Variants in SH3RF3 observed in about 807,000 individuals in gnomAD.
The protein encoded by SH3RF3 is E3 ubiquitin-protein ligase SH3RF3.
SH3RF3 carries 29 observed loss-of-function variants against 66.3 expected under a neutral mutation model. The observed-to-expected ratio is 0.44, with a 90% CI of 0.33 to 0.60. The LOEUF is 0.60. Among genes scored for constraint, SH3RF3 ranks in the 20% least tolerant of loss-of-function variants. The pLI is 0.04. For missense variants in SH3RF3, 1,194 were observed against 1,190.9 expected, an observed-to-expected ratio of 1.00 and a Z score of -0.04; for synonymous variants, 583 against 532.0, an observed-to-expected ratio of 1.10 and a Z score of -1.32.
rs576420414 is a variant in SH3RF3, at chr2:109,249,162, G to A, written c.574-98512G>A. On this transcript the variant is annotated intron_variant, in intron 1 of 9. Coordinates refer to ENST00000309415, the MANE Select transcript of SH3RF3 (RefSeq NM_001099289.3). Reference sequence around the variant, plus strand: ...TCTCAAAAAAGGATTGATTACAGGTGTGGGCCACCACACCTGGCCAAGAAC... The same window carrying A: ...TCTCAAAAAAGGATTGATTACAGGTATGGGCCACCACACCTGGCCAAGAAC... 9.9e-5 allele frequency among the ~76,000 whole-genome samples: 15 copies of A among 152,154 alleles called. No homozygotes were observed. The East Asian group carries it at 2.9e-3, about 29-fold the overall frequency.
At chr2:109,138,485 C>T (rs1676865111) in intron 1 of SH3RF3, among the ~76,000 whole-genome samples, 1 of 152,238 alleles carries the variant, frequency 6.6e-6, no homozygotes, top group Non-Finnish European at 1.5e-5. Flanking sequence ...TAGCTTGGTG[C>T]TGCATTTGCT....
chr2:109,199,843 G>C, intron 1 of SH3RF3, among the ~76,000 whole-genome samples: 2 of 52,080 alleles, frequency 3.8e-5, no homozygotes, highest in Non-Finnish European at 9.0e-5. Flanking sequence ...GGAATGGAAT[G>C]GAATGGAAAT....
At chr2:109,145,917 G>A (rs1317890615) in intron 1 of SH3RF3, among the ~76,000 whole-genome samples, 2 of 152,164 alleles carry the variant, frequency 1.3e-5, no homozygotes, top group African/African-American at 4.8e-5. Context: ...CCTGGAGCCC[G>A]AATGCCTGGG....
intron 1 of SH3RF3, among the ~76,000 whole-genome samples, chr2:109,289,715 CTT>C (rs2105363390): frequency 6.6e-6 from 1 of 152,246 alleles, no homozygotes; most frequent in Admixed American, 6.5e-5. Context: ...CATGATATGA[CTT>C]CAGGAACGCA....
chr2:109,138,270 G>A lies in SH3RF3; in HGVS notation c.573+8157G>A, dbSNP rs141135995. 9.6e-3 allele frequency among the ~76,000 whole-genome samples: 1,464 copies of A among 152,236 alleles called. 23 individuals are homozygous for A. The highest frequency in any genetic ancestry group is 0.032 in the African/African-American group (1,318 of 41,550). ...CCTCGAACTCCTGACCTCGTGATCC[G>A]CCCGCCTTGGCCTCCCAAAGTGCTG... On this transcript the variant is annotated intron_variant, in intron 1 of 9. Transcript: ENST00000309415.
chr2:109,478,546 A>G (rs191944377), intron 8 of SH3RF3, among the ~76,000 whole-genome samples: 8 of 152,236 alleles, frequency 5.3e-5, no homozygotes, highest in African/African-American at 1.9e-4. Context: ...TCCTTGCAGA[A>G]TTCTTCTCTA....
In SH3RF3 at chr2:109,293,055, A is replaced by C. The variant is rs575751002; in HGVS notation, c.574-54619A>C. ...ATTTGACATTTAAATGGCATCTGTCAGCTGCAGTTCAGGGAGGGTCCCTGC... is the reference window on the plus strand; with the variant it reads ...ATTTGACATTTAAATGGCATCTGTCCGCTGCAGTTCAGGGAGGGTCCCTGC... On this transcript the variant is annotated intron_variant, in intron 1 of 9. Coordinates refer to ENST00000309415, the MANE Select transcript of SH3RF3 (RefSeq NM_001099289.3). Among the ~76,000 whole-genome samples the C allele has an allele frequency of 3.3e-5, 5 of 152,318 alleles. No homozygotes were observed. In the Middle Eastern group the frequency reaches 0.014, roughly 414 times the overall value.
At chr2:109,257,680 GA>G (rs1680253829) in intron 1 of SH3RF3, among the ~76,000 whole-genome samples, 1 of 152,152 alleles carries the variant, frequency 6.6e-6, no homozygotes. Context: ...GGAAGCCACT[GA>G]CACGTTCATT....
chr2:109,223,891 G>A (rs989504577), intron 1 of SH3RF3, among the ~76,000 whole-genome samples: 2 of 152,170 alleles, frequency 1.3e-5, no homozygotes, highest in African/African-American at 4.8e-5. Flanking sequence ...CAGCTACTCC[G>A]GAGGCTGAGG....
intron 1 of SH3RF3, among the ~76,000 whole-genome samples, chr2:109,178,448 C>T (rs1677981340): frequency 6.6e-6 from 1 of 152,078 alleles, no homozygotes; most frequent in Non-Finnish European, 1.5e-5. Flanking sequence ...TAGATGGTCT[C>T]CTGTAGCAGG....
At chr2:109,303,837 A>T (rs1681530062) in intron 1 of SH3RF3, among the ~76,000 whole-genome samples, 1 of 152,208 alleles carries the variant, frequency 6.6e-6, no homozygotes, top group Non-Finnish European at 1.5e-5. Flanking sequence ...GAACAAGTTC[A>T]TCACCTCTCA....
At chr2:109,250,014 G>A (rs1424089824) in intron 1 of SH3RF3, among the ~76,000 whole-genome samples, 1 of 149,608 alleles carries the variant, frequency 6.7e-6, no homozygotes, top group Non-Finnish European at 1.5e-5. Flanking sequence ...TTTTAAGTCA[G>A]TGAAATATAA....
At chr2:109,501,045 C>T (rs533494268) in intron 9 of SH3RF3, among the ~76,000 whole-genome samples, 7 of 152,312 alleles carry the variant, frequency 4.6e-5, no homozygotes, top group Middle Eastern at 3.4e-3. Context: ...AGTTGAGGAG[C>T]GTGCTTTTCA....
intron 4 of SH3RF3, among the ~76,000 whole-genome samples, chr2:109,413,932 G>A (rs1240305920): frequency 1.3e-5 from 2 of 152,234 alleles, no homozygotes; most frequent in Admixed American, 6.5e-5. Flanking sequence ...GCAGTCACCT[G>A]CCCCAGGAAG....
chr2:109,362,529 T>C (rs1220960255), intron 2 of SH3RF3, among the ~76,000 whole-genome samples: 1 of 152,196 alleles, frequency 6.6e-6, no homozygotes, highest in African/African-American at 2.4e-5. Context: ...GAAAAGAATG[T>C]GTAATCTGCT....
At chr2:109,243,063 C>T (rs1864474) in intron 1 of SH3RF3, among the ~76,000 whole-genome samples, 9 of 152,154 alleles carry the variant, frequency 5.9e-5, no homozygotes, top group Non-Finnish European at 1.0e-4. Context: ...ACAATGAAAT[C>T]GGCTGTTCAT....
chr2:109,227,124 A>C (rs1679390888), intron 1 of SH3RF3, among the ~76,000 whole-genome samples: 1 of 152,124 alleles, frequency 6.6e-6, no homozygotes, highest in Admixed American at 6.6e-5. Context: ...AGAACTCACG[A>C]GATTCACTCC....
intron 9 of SH3RF3, among the ~76,000 whole-genome samples, chr2:109,495,978 T>G (rs1573298050): frequency 1.3e-5 from 2 of 152,366 alleles, no homozygotes; most frequent in Middle Eastern, 6.8e-3. Context: ...GTGGTCTCAC[T>G]GACTTCAAGA....
chr2:109,434,973 A>T (rs1677359175), intron 6 of SH3RF3, among the ~76,000 whole-genome samples: 1 of 152,168 alleles, frequency 6.6e-6, no homozygotes, highest in Non-Finnish European at 1.5e-5. Context: ...GAGCACTTAG[A>T]GTGGCCCGGT....
Sources: allele counts gnomAD v4.1 joint callset (sites outside exome capture counted in the v4.1 genomes callset), GRCh38; gene constraint gnomAD v4.1.1; transcripts MANE v1.5; gene names NCBI Gene and HGNC (gene_info 2026-07-23, HGNC 2026-07-21).